The following SHISA9 variants were observed in gnomAD, a reference collection of about 807,000 sequenced individuals.
SHISA9 encodes shisa family member 9.
SHISA9 carries 13 observed loss-of-function variants against 38.0 expected under a neutral mutation model. The observed-to-expected ratio is 0.34, with a 90% CI of 0.22 to 0.54. SHISA9 has a LOEUF of 0.54. Ranked by LOEUF, SHISA9 falls within the 20% of genes least tolerant of loss-of-function variation. SHISA9 has a pLI of 0.91. For missense variants in SHISA9, 538 were observed against 575.8 expected (o/e 0.93, Z 0.67); for synonymous variants, 275 against 242.0 (o/e 1.14, Z -1.27).
At chr16:13,275,905 ATT>A in the SHISA9 span, among the ~76,000 whole-genome samples, 5 of 150,904 alleles carry the variant, frequency 3.3e-5, no homozygotes, top group African/African-American at 1.2e-4. Flanking sequence ...TGAAATTTTT[ATT>A]TTTTATTTTT....
intron 2 of SHISA9, among the ~76,000 whole-genome samples, chr16:13,058,751 TTGTGTGTGTGTGTGTG>T (rs57415975): frequency 2.1e-5 from 3 of 144,860 alleles, no homozygotes; most frequent in Admixed American, 7.0e-5. Flanking sequence ...TGTGGTGTAT[TTGTGTGTGTGTGTGTG>T]TGTGTGTGTG....
At chr16:13,478,094 C>G in the SHISA9 span, among the ~76,000 whole-genome samples, 1 of 152,210 alleles carries the variant, frequency 6.6e-6, no homozygotes, top group Non-Finnish European at 1.5e-5. Context: ...CCTCTGAAAT[C>G]CTTTCTGTCT....
chr16:13,234,957 A>ACTCTCT (rs71147791), intron 4 of SHISA9, 73 bp from the exon 5 acceptor site: 3,795 of 1,324,008 alleles, frequency 2.9e-3, no homozygotes, highest in South Asian at 3.8e-3. Flanking sequence ...CCAGTCTCTA[A>ACTCTCT]CTCTCTCTCT....
In SHISA9 at chr16:13,235,132, C is replaced by A. The variant is rs771645190; in HGVS notation, c.998C>A (p.Pro333His). The A allele has an allele frequency of 5.7e-5, 88 of 1,551,600 alleles. 1 individual carries two copies. In the South Asian group the frequency reaches 1.0e-3, roughly 18 times the overall value. ...PLHPVRVEDE[P>H]RAFSPEHGPA... Reference sequence around the variant, plus strand: ...CACCCCGTAAGAGTGGAGGACGAGCCCCGGGCCTTCAGCCCTGAGCACGGT... The same window carrying A: ...CACCCCGTAAGAGTGGAGGACGAGCACCGGGCCTTCAGCCCTGAGCACGGT... The change falls in exon 5 of 5, where the codon CCC (proline) becomes CAC (histidine). Residue 333 changes from proline (P) to histidine (H), a missense_variant. Transcript: ENST00000558583.
At chr16:13,212,215 G>C (rs1459006555) in intron 3 of SHISA9, among the ~76,000 whole-genome samples, 1 of 152,148 alleles carries the variant, frequency 6.6e-6, no homozygotes, top group African/African-American at 2.4e-5. Context: ...TTGAGGACTT[G>C]GTCTTTCTAG....
chr16:13,088,301 G>T (rs2073736052), intron 2 of SHISA9, among the ~76,000 whole-genome samples: 1 of 152,174 alleles, frequency 6.6e-6, no homozygotes. Flanking sequence ...TCTTGGGAAT[G>T]CAGGCTCTTT....
chr16:13,370,323 G>A, the SHISA9 span, among the ~76,000 whole-genome samples: 1 of 152,172 alleles, frequency 6.6e-6, no homozygotes, highest in South Asian at 2.1e-4. Context: ...GGCCCTTAAG[G>A]AAATCATATG....
chr16:13,117,453 T>C (rs1175064497), intron 2 of SHISA9, among the ~76,000 whole-genome samples: 2 of 152,304 alleles, frequency 1.3e-5, no homozygotes, highest in East Asian at 3.9e-4. Flanking sequence ...TGTGACTTTA[T>C]TTGGTAAAAA....
chr16:13,113,561 A>T (rs966154916), intron 2 of SHISA9, among the ~76,000 whole-genome samples: 1 of 152,202 alleles, frequency 6.6e-6, no homozygotes, highest in African/African-American at 2.4e-5. Flanking sequence ...ACAGAAATAG[A>T]CATTGAAGTT....
chr16:13,264,723 AAAAGT>A, the SHISA9 span, among the ~76,000 whole-genome samples: 1 of 152,146 alleles, frequency 6.6e-6, no homozygotes, highest in Non-Finnish European at 1.5e-5. Flanking sequence ...GAGTAATAAT[AAAAGT>A]AGAGTGAAAA....
At chr16:12,949,084 A>T (rs1216559403) in intron 2 of SHISA9, among the ~76,000 whole-genome samples, 1 of 152,206 alleles carries the variant, frequency 6.6e-6, no homozygotes. Context: ...TGTCTGATGC[A>T]TGATAGGTAC....
chr16:13,377,405 C>G, the SHISA9 span, among the ~76,000 whole-genome samples: 1 of 152,140 alleles, frequency 6.6e-6, no homozygotes, highest in Non-Finnish European at 1.5e-5. Flanking sequence ...TTTCAAACAT[C>G]GTATTTGTTC....
At position 13,064,989 on chromosome 16, in the gene SHISA9, TTGTC is replaced by T. The variant is rs76943148; in HGVS notation, c.692-138401_692-138398del. On this transcript the variant is annotated intron_variant, in intron 2 of 4. Coordinates refer to ENST00000558583, the MANE Select transcript of SHISA9 (RefSeq NM_001145204.3). ...CATTCCTCCTTTAAGCTTTGTGTCTTTGTCTGTGACATGGGATCAGAGACCCCAC... is the reference window on the plus strand; with the variant it reads ...CATTCCTCCTTTAAGCTTTGTGTCTTTGTGACATGGGATCAGAGACCCCAC... Among the ~76,000 whole-genome samples the T allele has an allele frequency of 2.0e-4, 31 of 152,272 alleles. No individual in the cohort carries two copies. In the East Asian group the frequency reaches 6.0e-3, roughly 29 times the overall value.
At chr16:13,541,855 C>T in the SHISA9 span, among the ~76,000 whole-genome samples, 5 of 152,158 alleles carry the variant, frequency 3.3e-5, no homozygotes, top group African/African-American at 4.8e-5. Context: ...AGAGGATATT[C>T]GACGTGAGGT....
intron 2 of SHISA9, among the ~76,000 whole-genome samples, chr16:13,086,469 C>T (rs1401622918): frequency 6.7e-6 from 1 of 149,860 alleles, no homozygotes. Flanking sequence ...AATTGAAAGA[C>T]AGATGTGAGG....
At chr16:13,113,200 A>G (rs1003899952) in intron 2 of SHISA9, among the ~76,000 whole-genome samples, 12 of 118,214 alleles carry the variant, frequency 1.0e-4, no homozygotes, top group Non-Finnish European at 1.8e-4. Flanking sequence ...ACAGAATGAG[A>G]CTCCATCTCA....
intron 4 of SHISA9, among the ~76,000 whole-genome samples, chr16:13,220,167 G>T (rs566433516): frequency 2.0e-5 from 3 of 152,292 alleles, no homozygotes; most frequent in Middle Eastern, 6.8e-3. Context: ...AGTGATTTCA[G>T]CTGATGTGGG....
intron 2 of SHISA9, among the ~76,000 whole-genome samples, chr16:13,196,396 C>CA (rs372256944): frequency 0.31 from 31,055 of 101,090 alleles, 4,314 homozygotes; most frequent in Middle Eastern, 0.58. Flanking sequence ...GACTCCGTCT[C>CA]AAAAAAAAAA....
chr16:13,281,204 G>A, the SHISA9 span, among the ~76,000 whole-genome samples: 1 of 151,626 alleles, frequency 6.6e-6, no homozygotes, highest in Non-Finnish European at 1.5e-5. Context: ...AAGTTATACA[G>A]CTAGTAAATC....
Sources: gnomAD v4.1 joint callset for allele counts (sites outside exome capture counted in the v4.1 genomes callset) on GRCh38, gnomAD v4.1.1 for gene constraint, MANE v1.5 for transcripts, NCBI Gene and HGNC (gene_info 2026-07-23, HGNC 2026-07-21) for gene names.